The following FBXL7 variants were observed in gnomAD, a reference collection of about 807,000 sequenced individuals.
FBXL7 encodes F-box and leucine rich repeat protein 7.
In FBXL7, 12 loss-of-function variants were observed where a neutral mutation model predicts 38.3. That is an observed-to-expected ratio of 0.31 (90% CI 0.20 to 0.51). The LOEUF (loss-of-function observed/expected upper bound fraction) is 0.51, where lower values mean the gene tolerates loss of function less well. Among genes scored for constraint, FBXL7 ranks in the 20% least tolerant of loss-of-function variants. The pLI, the probability that FBXL7 is intolerant of heterozygous loss-of-function variation, is 0.98. For missense variants in FBXL7, 567 were observed against 676.4 expected, an observed-to-expected ratio of 0.84 and a Z score of 1.79; for synonymous variants, 297 against 300.9, an observed-to-expected ratio of 0.99 and a Z score of 0.13.
intron 2 of FBXL7, among the ~76,000 whole-genome samples, chr5:15,834,273 C>T (rs1738531254): frequency 6.6e-6 from 1 of 152,178 alleles, no homozygotes; most frequent in African/African-American, 2.4e-5. Context: ...TTACTATTAA[C>T]TGAAAGCCTA....
intron 2 of FBXL7, among the ~76,000 whole-genome samples, chr5:15,709,613 C>T (rs1257281834): frequency 5.8e-5 from 6 of 102,898 alleles, no homozygotes; most frequent in African/African-American, 1.7e-4. Context: ...TTTTTATTGT[C>T]TGTGGCTATT....
At chr5:15,629,565 T>G (rs575992504) in intron 2 of FBXL7, among the ~76,000 whole-genome samples, 1 of 152,254 alleles carries the variant, frequency 6.6e-6, no homozygotes, top group South Asian at 2.1e-4. Flanking sequence ...TGCCCAGACA[T>G]GCACAATCCA....
At chr5:15,555,886 A>T (rs896687194) in intron 1 of FBXL7, among the ~76,000 whole-genome samples, 2 of 152,020 alleles carry the variant, frequency 1.3e-5, no homozygotes, top group African/African-American at 4.8e-5. Context: ...TACTTGATAT[A>T]ATCTCTAGGC....
chr5:15,594,861 G>A (rs542416884), intron 1 of FBXL7, among the ~76,000 whole-genome samples: 1 of 152,206 alleles, frequency 6.6e-6, no homozygotes, highest in Non-Finnish European at 1.5e-5. Context: ...CTGATTCTCT[G>A]TGTGTCCATT....
At chr5:15,607,212 A>G (rs1561048751) in intron 1 of FBXL7, 2 of 152,356 alleles carry the variant, frequency 1.3e-5, no homozygotes, top group South Asian at 2.1e-4. Flanking sequence ...CACCAGTAGC[A>G]GCTTGAAAAT....
chr5:15,827,588 G>A (rs1738349704), intron 2 of FBXL7, among the ~76,000 whole-genome samples: 1 of 152,186 alleles, frequency 6.6e-6, no homozygotes. Flanking sequence ...GCGAAAGGCA[G>A]CAGAGTGAGA....
intron 2 of FBXL7, among the ~76,000 whole-genome samples, chr5:15,822,299 T>G (rs1448022261): frequency 4.7e-5 from 7 of 149,766 alleles, no homozygotes; most frequent in Non-Finnish European, 1.0e-4. Flanking sequence ...GAGGCAGAGG[T>G]TGCAGTGAGC....
intron 1 of FBXL7, among the ~76,000 whole-genome samples, chr5:15,596,556 A>G (rs1739630891): frequency 6.6e-6 from 1 of 152,230 alleles, no homozygotes; most frequent in Admixed American, 6.5e-5. Context: ...AATTAAATTA[A>G]GAAAAAAATT....
chr5:15,627,695 A>G (rs1214146113), intron 2 of FBXL7, among the ~76,000 whole-genome samples: 2 of 152,078 alleles, frequency 1.3e-5, no homozygotes, highest in African/African-American at 4.8e-5. Flanking sequence ...CATCTTCTCA[A>G]CTCTTCTATA....
chr5:15,853,231 G>A (rs548549184), intron 2 of FBXL7, among the ~76,000 whole-genome samples: 36 of 152,282 alleles, frequency 2.4e-4, no homozygotes, highest in African/African-American at 8.4e-4. Context: ...GAGTGCCATA[G>A]AGCATGGAGA....
chr5:15,612,322 G>T (rs1014366617), intron 1 of FBXL7, among the ~76,000 whole-genome samples: 3 of 152,174 alleles, frequency 2.0e-5, no homozygotes, highest in African/African-American at 7.2e-5. Flanking sequence ...ATAAGAGAAA[G>T]CATGTAAAGC....
intron 2 of FBXL7, among the ~76,000 whole-genome samples, chr5:15,672,687 T>C (rs748581041): frequency 5.3e-5 from 8 of 151,866 alleles, no homozygotes; most frequent in Non-Finnish European, 7.4e-5. Flanking sequence ...CCCAAGTAGC[T>C]GAGACTACAG....
At chr5:15,547,850 A>G (rs902836507) in intron 1 of FBXL7, among the ~76,000 whole-genome samples, 7 of 152,196 alleles carry the variant, frequency 4.6e-5, no homozygotes, top group Non-Finnish European at 7.3e-5. Context: ...GGATAGAACT[A>G]AGTCCACGGT....
chr5:15,847,610 C>T (rs538559706), intron 2 of FBXL7, among the ~76,000 whole-genome samples: 1 of 152,152 alleles, frequency 6.6e-6, no homozygotes, highest in African/African-American at 2.4e-5. Context: ...ATTTCACTCT[C>T]TTGATTAGGT....
intron 2 of FBXL7, among the ~76,000 whole-genome samples, chr5:15,859,398 A>G (rs913915353): frequency 1.3e-5 from 2 of 152,190 alleles, no homozygotes; most frequent in Non-Finnish European, 2.9e-5. Flanking sequence ...CTGGTATCCA[A>G]CTGGCATCTA....
At chr5:15,535,724 GT>G (rs1737565227) in intron 1 of FBXL7, among the ~76,000 whole-genome samples, 1 of 152,230 alleles carries the variant, frequency 6.6e-6, no homozygotes, top group East Asian at 1.9e-4. Flanking sequence ...TGGATCTTCT[GT>G]TTAAGAGGGA....
At chr5:15,728,873 G>T (rs1437338433) in intron 2 of FBXL7, among the ~76,000 whole-genome samples, 1 of 152,034 alleles carries the variant, frequency 6.6e-6, no homozygotes, top group African/African-American at 2.4e-5. Flanking sequence ...GACTTTTCTT[G>T]CAGGACTTTT....
At chr5:15,774,288 G>A (rs183597250) in intron 2 of FBXL7, among the ~76,000 whole-genome samples, 2 of 152,024 alleles carry the variant, frequency 1.3e-5, no homozygotes, top group African/African-American at 4.8e-5. Flanking sequence ...TGGGTCTACC[G>A]GGATAATCCA....
At chr5:15,500,784 G>T in intron 1 of FBXL7, 71 bp downstream of exon 1, 3 of 1,560,144 alleles carry the variant, frequency 1.9e-6, no homozygotes, top group Non-Finnish European at 2.6e-6. Flanking sequence ...CTCCCGACTG[G>T]GAAGGGAGGT....
Sources: allele counts gnomAD v4.1 joint callset (sites outside exome capture counted in the v4.1 genomes callset), GRCh38; gene constraint gnomAD v4.1.1; transcripts MANE v1.5; gene names NCBI Gene and HGNC (gene_info 2026-07-23, HGNC 2026-07-21).